The following PEPD variants were observed in gnomAD, a reference collection of about 807,000 sequenced individuals.
PEPD encodes the protein peptidase D.
In PEPD, 53 loss-of-function variants were observed where a neutral mutation model predicts 60.7. The ratio of observed to expected loss-of-function variants is 0.87; its 90% confidence interval spans 0.70 to 1.10. PEPD has a LOEUF of 1.10. Among genes scored for constraint, PEPD ranks in the 50% least tolerant of loss-of-function variants. The pLI, the probability that PEPD is intolerant of heterozygous loss-of-function variation, is 0.00. For synonymous variants in PEPD, 267 were observed against 284.1 expected (o/e 0.94, Z 0.60); for missense variants, 711 against 711.9 (o/e 1.00, Z 0.01).
At chr19:33,462,478 G>A (rs1156409796) in intron 9 of PEPD, among the ~76,000 whole-genome samples, 1 of 152,176 alleles carries the variant, frequency 6.6e-6, no homozygotes, top group Non-Finnish European at 1.5e-5. Context: ...AGCTGGCCAG[G>A]CCACACCCGC....
intron 11 of PEPD, among the ~76,000 whole-genome samples, chr19:33,405,018 C>G (rs1968588574): frequency 6.6e-6 from 1 of 152,232 alleles, no homozygotes; most frequent in Non-Finnish European, 1.5e-5. Context: ...ACGCAGGATC[C>G]CTCCTTCCTG....
In PEPD at chr19:33,512,490, G is replaced by A; in HGVS notation, c.201+103C>T. On this transcript the variant is annotated intron_variant, in intron 2 of 14. Coordinates refer to ENST00000244137, the MANE Select transcript of PEPD (RefSeq NM_000285.4). ...GGCGAGGAAACAGAGGCTCAGGGAG[G>A]GCCACAAGGGGCAGCACTGGCCAAG... 4 of 1,091,558 alleles carry A rather than the reference G, an allele frequency of 3.7e-6. 1 individual carries two copies. The South Asian group carries it at 3.8e-5, about 10-fold the overall frequency. The allele number at this position is 1,091,558 out of a possible 1,614,324, so 67.6% of individuals were successfully genotyped here. A position where few individuals can be genotyped will look rare whatever the true frequency, so the allele number is the denominator to read the frequency against.
intron 9 of PEPD, among the ~76,000 whole-genome samples, chr19:33,450,435 A>G (rs183550040): frequency 1.3e-5 from 2 of 152,376 alleles, no homozygotes; most frequent in East Asian, 1.9e-4. Context: ...AGAAGGAGGA[A>G]TATGATTTGC....
At chr19:33,443,642 C>T (rs1969527719) in intron 9 of PEPD, among the ~76,000 whole-genome samples, 1 of 151,618 alleles carries the variant, frequency 6.6e-6, no homozygotes, top group Non-Finnish European at 1.5e-5. Context: ...TTTTTGAAAA[C>T]CCAAATAAAG....
intron 6 of PEPD, among the ~76,000 whole-genome samples, chr19:33,489,101 G>A (rs950571399): frequency 1.3e-5 from 2 of 152,186 alleles, no homozygotes; most frequent in Non-Finnish European, 2.9e-5. Context: ...TCTCCCGGGG[G>A]CTGTGGGTGA....
intron 6 of PEPD, among the ~76,000 whole-genome samples, chr19:33,488,879 G>A (rs905696549): frequency 1.3e-5 from 2 of 152,208 alleles, no homozygotes; most frequent in Non-Finnish European, 2.9e-5. Flanking sequence ...GGGGCTGTAG[G>A]GGATGCATGA....
chr19:33,388,418 G>A lies in PEPD; in HGVS notation c.1153-337C>T, dbSNP rs1344929767. On this transcript the variant is annotated intron_variant, in intron 13 of 14. Transcript: ENST00000244137. ...GTTGGGCTGCCCTTAGCCAGGCCCCGCTGCTGGCCAGAGGAGTGGCAGATG... is the reference window on the plus strand; with the variant it reads ...GTTGGGCTGCCCTTAGCCAGGCCCCACTGCTGGCCAGAGGAGTGGCAGATG... The A allele has an allele frequency of 2.5e-5, 13 of 513,698 alleles. No homozygotes were observed. The East Asian group carries it at 3.8e-4, about 15-fold the overall frequency. 31.8% of individuals were successfully genotyped at this position (513,698 alleles called of 1,614,324 possible).
intron 9 of PEPD, among the ~76,000 whole-genome samples, chr19:33,431,489 T>A (rs1969274220): frequency 6.6e-6 from 1 of 152,180 alleles, no homozygotes; most frequent in African/African-American, 2.4e-5. Context: ...AGACAAAGCA[T>A]CTGAAATTCC....
intron 9 of PEPD, among the ~76,000 whole-genome samples, chr19:33,447,745 C>G (rs1969618885): frequency 6.6e-6 from 1 of 152,210 alleles, no homozygotes; most frequent in South Asian, 2.1e-4. Flanking sequence ...TACTCTGGGG[C>G]AGCTGAAGAA....
At chr19:33,391,629 C>T in intron 12 of PEPD, 150 bp from the exon 13 acceptor site, 1 of 747,608 alleles carries the variant, frequency 1.3e-6, no homozygotes, top group Non-Finnish European at 2.3e-6. Context: ...ATCGGGGGCC[C>T]AGGGGGACAA....
intron 12 of PEPD, among the ~76,000 whole-genome samples, chr19:33,396,437 C>G (rs1481645944): frequency 6.6e-6 from 1 of 152,216 alleles, no homozygotes; most frequent in Non-Finnish European, 1.5e-5. Flanking sequence ...CTCGCCCCGT[C>G]AGGACTGTTT....
chr19:33,408,708 G>A (rs1293766087), intron 11 of PEPD, among the ~76,000 whole-genome samples: 2 of 152,364 alleles, frequency 1.3e-5, no homozygotes, highest in African/African-American at 4.8e-5. Context: ...CAGGCGCACT[G>A]CTCTGGGAGG....
chr19:33,468,024 G>A (rs1970051815), intron 7 of PEPD, among the ~76,000 whole-genome samples: 1 of 152,158 alleles, frequency 6.6e-6, no homozygotes, highest in Non-Finnish European at 1.5e-5. Context: ...GTGGAAGGAG[G>A]GCTGCTAAGA....
intron 3 of PEPD, among the ~76,000 whole-genome samples, chr19:33,510,615 T>C (rs1970905622): frequency 6.6e-6 from 1 of 152,222 alleles, no homozygotes; most frequent in Non-Finnish European, 1.5e-5. Context: ...GGGGCGGCCA[T>C]GTTGCCAGGA....
intron 12 of PEPD, among the ~76,000 whole-genome samples, chr19:33,392,312 G>A (rs1968241704): frequency 6.6e-6 from 1 of 152,236 alleles, no homozygotes; most frequent in Non-Finnish European, 1.5e-5. Flanking sequence ...GGCCCTTAGA[G>A]AGCTCTCCAC....
rs187065249 is a variant in PEPD, at chr19:33,456,653, G to A, written c.671+6342C>T. Among the ~76,000 whole-genome samples, 72 of 152,254 alleles carry A rather than the reference G, an allele frequency of 4.7e-4. No individual in the cohort carries two copies. In the East Asian group the frequency reaches 0.011, roughly 23 times the overall value. The stretch of plus-strand genomic sequence containing the variant: ...CAGAGAAAGGATGTGTCTGCTCAGC[G>A]GGTGCAGGGTCCTGCCCACGGACAC... On this transcript the variant is annotated intron_variant, in intron 9 of 14. Coordinates refer to ENST00000244137, the MANE Select transcript of PEPD (RefSeq NM_000285.4).
chr19:33,413,194 T>G (rs893609665), intron 10 of PEPD, among the ~76,000 whole-genome samples: 2 of 152,232 alleles, frequency 1.3e-5, no homozygotes, highest in Non-Finnish European at 2.9e-5. Flanking sequence ...CCACCCCTGC[T>G]GCACACAGAA....
At chr19:33,438,383 T>C (rs908750380) in intron 9 of PEPD, among the ~76,000 whole-genome samples, 14 of 152,256 alleles carry the variant, frequency 9.2e-5, no homozygotes, top group Admixed American at 8.5e-4. Flanking sequence ...AGGGTGACTC[T>C]TGTGGTTGCC....
At chr19:33,520,842 C>G (rs1352690359) in intron 1 of PEPD, among the ~76,000 whole-genome samples, 2 of 152,138 alleles carry the variant, frequency 1.3e-5, no homozygotes, top group African/African-American at 4.8e-5. Flanking sequence ...TCACACATAG[C>G]TCAGGGGAGC....
Sources: gnomAD v4.1 joint callset for allele counts (sites outside exome capture counted in the v4.1 genomes callset) on GRCh38, gnomAD v4.1.1 for gene constraint, MANE v1.5 for transcripts, NCBI Gene and HGNC (gene_info 2026-07-23, HGNC 2026-07-21) for gene names.